The following NME5 variants were observed in gnomAD, a reference collection of about 807,000 sequenced individuals.
NME5 encodes nucleoside diphosphate kinase 5.
NME5 carries 18 observed loss-of-function variants against 21.6 expected under a neutral mutation model. The ratio of observed to expected loss-of-function variants is 0.83; its 90% CI spans 0.58 to 1.24. The LOEUF (loss-of-function observed/expected upper bound fraction) is 1.24, where lower values mean the gene tolerates loss of function less well. Ranked by LOEUF, NME5 falls within the 50% of genes most tolerant of loss-of-function variation. The pLI, the probability that NME5 is intolerant of heterozygous loss-of-function variation, is 0.00. For missense variants in NME5, 223 were observed against 255.4 expected, an observed-to-expected ratio of 0.87 and a Z score of 0.86; for synonymous variants, 70 against 80.6, an observed-to-expected ratio of 0.87 and a Z score of 0.71.
At chr5:138,134,952 C>G (rs575126946) in intron 2 of NME5, among the ~76,000 whole-genome samples, 8 of 151,118 alleles carry the variant, frequency 5.3e-5, no homozygotes, top group African/African-American at 1.5e-4. Flanking sequence ...ATCTGCCCGC[C>G]TCGGCCTCCC....
chr5:138,134,496 G>A (rs947017802), intron 2 of NME5, among the ~76,000 whole-genome samples: 2 of 151,482 alleles, frequency 1.3e-5, no homozygotes, highest in African/African-American at 2.4e-5. Context: ...CACCCACCTC[G>A]GCCTCTGAAA....
At chr5:138,119,180 C>G (rs1281880147) in intron 4 of NME5, among the ~76,000 whole-genome samples, 1 of 151,960 alleles carries the variant, frequency 6.6e-6, no homozygotes, top group Non-Finnish European at 1.5e-5. Flanking sequence ...GTCCGCATCA[C>G]CACACCCTGC....
intron 5 of NME5, among the ~76,000 whole-genome samples, chr5:138,117,964 A>G (rs1325112964): frequency 1.3e-5 from 2 of 152,030 alleles, no homozygotes; most frequent in Admixed American, 1.3e-4. Flanking sequence ...AGCCTGGGCA[A>G]CAGAGTGAGA....
intron 4 of NME5, among the ~76,000 whole-genome samples, chr5:138,123,321 A>C (rs1368867289): frequency 6.6e-6 from 1 of 152,172 alleles, no homozygotes; most frequent in African/African-American, 2.4e-5. Context: ...CACCATGTTG[A>C]ACTTATTCCT....
intron 2 of NME5, among the ~76,000 whole-genome samples, chr5:138,130,496 A>G (rs1751535721): frequency 1.3e-5 from 2 of 152,222 alleles, no homozygotes; most frequent in South Asian, 2.1e-4. Flanking sequence ...CTGTAACATT[A>G]AGAAAAATTA....
chr5:138,136,705 C>T lies in NME5; in HGVS notation c.129+1947G>A, dbSNP rs188546592. Among the ~76,000 whole-genome samples the T allele has an allele frequency of 7.0e-4, 107 of 151,876 alleles. 1 individual carries two copies. In the East Asian group the frequency reaches 0.017, roughly 24 times the overall value. On this transcript the variant is annotated intron_variant, in intron 2 of 5. Coordinates refer to ENST00000265191, the MANE Select transcript of NME5 (RefSeq NM_003551.3). ...TTGCCCAGGCTGGAGCACAATGGCACGATCTCGGCTCACGGCAACCTCCGC... is the reference window on the plus strand; with the variant it reads ...TTGCCCAGGCTGGAGCACAATGGCATGATCTCGGCTCACGGCAACCTCCGC...
At chr5:138,122,483 T>C (rs1416488242) in intron 4 of NME5, among the ~76,000 whole-genome samples, 1 of 131,524 alleles carries the variant, frequency 7.6e-6, no homozygotes, top group Non-Finnish European at 1.7e-5. Flanking sequence ...TGCCTAAATA[T>C]TATATTATTT....
chr5:138,133,202 G>A (rs1338915987), intron 2 of NME5, among the ~76,000 whole-genome samples: 1 of 151,228 alleles, frequency 6.6e-6, no homozygotes, highest in East Asian at 1.9e-4. Context: ...CTGGGTTCAC[G>A]CCATTCTCCT....
rs140384863 is a variant in NME5, at chr5:138,133,779, A to C, written c.130-4311T>G. 3.9e-3 allele frequency among the ~76,000 whole-genome samples: 588 copies of C among 152,356 alleles called. 2 individuals carry two copies. The highest frequency in any genetic ancestry group is 0.014 in the African/African-American group (568 of 41,582). On this transcript the variant is annotated intron_variant, in intron 2 of 5. Coordinates refer to ENST00000265191, the MANE Select transcript of NME5 (RefSeq NM_003551.3). Reference sequence around the variant, plus strand: ...ATTTCACTTAAATTAGATAGCTTGAATAGTCAAATTCCTACAGACAGCAAG... The same window carrying C: ...ATTTCACTTAAATTAGATAGCTTGACTAGTCAAATTCCTACAGACAGCAAG...
chr5:138,128,320 T>C (rs569098943), intron 4 of NME5, among the ~76,000 whole-genome samples, 159 bp downstream of exon 4: 21 of 152,344 alleles, frequency 1.4e-4, no homozygotes, highest in Non-Finnish European at 1.8e-4. Flanking sequence ...AAGTTTTCCA[T>C]TTGTGGCTTC....
chr5:138,132,087 C>T (rs1303439129), intron 2 of NME5, among the ~76,000 whole-genome samples: 1 of 152,164 alleles, frequency 6.6e-6, no homozygotes, highest in Non-Finnish European at 1.5e-5. Flanking sequence ...TGGCCAGGCT[C>T]GGTGGCTCAT....
intron 4 of NME5, 54 bp from the exon 5 acceptor site, chr5:138,118,990 C>T: frequency 3.9e-6 from 4 of 1,023,972 alleles, no homozygotes; most frequent in South Asian, 1.4e-5. Flanking sequence ...AAATACTATA[C>T]AATCATTAAA....
At chr5:138,124,379 T>C (rs1005465446) in intron 4 of NME5, among the ~76,000 whole-genome samples, 5 of 152,182 alleles carry the variant, frequency 3.3e-5, no homozygotes, top group Non-Finnish European at 5.9e-5. Context: ...CCTTTGCCCA[T>C]TTTTTAATTG....
intron 2 of NME5, among the ~76,000 whole-genome samples, chr5:138,137,982 G>T (rs186220327): frequency 6.3e-4 from 96 of 151,940 alleles, no homozygotes; most frequent in African/African-American, 2.2e-3. Flanking sequence ...TCCAGTCTGG[G>T]CTACAGAGGG....
chr5:138,119,943 AT>A (rs200143940), intron 4 of NME5, among the ~76,000 whole-genome samples: 94 of 146,222 alleles, frequency 6.4e-4, no homozygotes, highest in East Asian at 1.6e-3. Flanking sequence ...TTTAACTTCT[AT>A]TTTTTTTTTT....
chr5:138,122,568 C>T (rs1264266373), intron 4 of NME5, among the ~76,000 whole-genome samples: 5 of 150,198 alleles, frequency 3.3e-5, no homozygotes. Context: ...AAATTGCACA[C>T]AATTAATGTA....
chr5:138,134,231 C>T (rs747868944), intron 2 of NME5, among the ~76,000 whole-genome samples: 2 of 151,986 alleles, frequency 1.3e-5, no homozygotes, highest in Non-Finnish European at 2.9e-5. Flanking sequence ...TGCGCCACCA[C>T]GCCCAGCTGA....
intron 5 of NME5, 128 bp from the exon 6 acceptor site, chr5:138,115,892 A>G: frequency 1.8e-6 from 1 of 569,736 alleles, no homozygotes; most frequent in Non-Finnish European, 2.9e-6. Flanking sequence ...TAAAAATGGA[A>G]ACATTTGGAT....
rs530778995 is a variant in NME5, at chr5:138,115,530, T to C, written c.*151A>G. The C allele has an allele frequency of 1.2e-5, 6 of 483,726 alleles. No homozygotes were observed. The highest frequency in any genetic ancestry group is 3.8e-5 in the Admixed American group (1 of 26,498). The allele number at this position is 483,726 out of a possible 1,614,324, so 30.0% of individuals were successfully genotyped here. The stretch of plus-strand genomic sequence containing the variant: ...TTTTACCTTAATGTTATCTGCTTCA[T>C]AGAATAGTTATTCCTTTAACACTTA... On this transcript the variant is annotated 3_prime_UTR_variant, in exon 6 of 6. Coordinates refer to ENST00000265191, the MANE Select transcript of NME5 (RefSeq NM_003551.3).
Sources: allele counts gnomAD v4.1 joint callset (sites outside exome capture counted in the v4.1 genomes callset), GRCh38; gene constraint gnomAD v4.1.1; transcripts MANE v1.5; gene names NCBI Gene and HGNC (gene_info 2026-07-23, HGNC 2026-07-21).